RPS24: variants seen among roughly 807,000 people sequenced by gnomAD.
RPS24 encodes the protein ribosomal protein S24.
For missense variants in RPS24, 100 were observed against 162.5 expected, an observed-to-expected ratio of 0.62 and a Z score of 2.09; for synonymous variants, 72 against 55.6, an observed-to-expected ratio of 1.30 and a Z score of -1.31.
Position 78,035,632 on chromosome 10 carries a change from T to C in RPS24, c.191T>C (p.Phe64Ser). Reference protein sequence around the residue: ...VIFVFGFRTHFGGGKTTGFGM... With the variant: ...VIFVFGFRTHSGGGKTTGFGM... ...TTTGTATTTGGATTCAGAACTCATT[T>C]TGGTGGTGGCAAGACAACTGGCTTT... Residue 64 changes from phenylalanine to serine, a missense_variant, in exon 3 of 6, where the codon TTT becomes TCT. Phe to Ser is a radical substitution (Grantham distance 155). Transcript: ENST00000372360. 6.2e-7 allele frequency: 1 copy of C among 1,610,828 alleles called. No individual in the cohort carries two copies. Among genetic ancestry groups the C allele is most frequent in the East Asian group, 2.2e-5 (1 of 44,878 alleles).
chr10:78,041,122 C>T (rs1289230159), downstream of RPS24, among the ~76,000 whole-genome samples: 3 of 151,996 alleles, frequency 2.0e-5, no homozygotes, highest in East Asian at 1.9e-4. Context: ...TGAGCGACCA[C>T]GTCTGGCTTA....
downstream of RPS24, among the ~76,000 whole-genome samples, chr10:78,043,609 C>G (rs1056078947): frequency 2.6e-5 from 4 of 152,174 alleles, no homozygotes; most frequent in Non-Finnish European, 4.4e-5. Context: ...TGTCCCTGTT[C>G]TGCAAGTTGG....
chr10:78,034,642 T>C (rs1248751485), intron 1 of RPS24, among the ~76,000 whole-genome samples: 1 of 152,230 alleles, frequency 6.6e-6, no homozygotes, highest in African/African-American at 2.4e-5. Flanking sequence ...TTTGGTAAAA[T>C]TGTTAGCATA....
intron 4 of RPS24, among the ~76,000 whole-genome samples, chr10:78,051,285 T>C (rs921574163): frequency 2.0e-5 from 3 of 152,220 alleles, no homozygotes; most frequent in South Asian, 2.1e-4. Context: ...ACAAATCTGT[T>C]TTCTGTTTTT....
intron 1 of RPS24, 47 bp downstream of exon 1, chr10:78,033,951 A>T (rs751598186): frequency 3.1e-6 from 5 of 1,612,550 alleles, no homozygotes; most frequent in Non-Finnish European, 4.2e-6. Context: ...TATCCGAGCC[A>T]TCCGTGGTCC....
At chr10:78,052,316 A>G (rs572244042) in intron 4 of RPS24, among the ~76,000 whole-genome samples, 2 of 151,690 alleles carry the variant, frequency 1.3e-5, no homozygotes, top group South Asian at 4.2e-4. Context: ...GACCGCCACC[A>G]CCCCCGGCTT....
At position 78,055,110 on chromosome 10, in the gene RPS24, C is replaced by T. The variant is rs114149556; in HGVS notation, c.*100C>T. 7.9e-4 allele frequency: 1,135 copies of T among 1,433,652 alleles called. 4 individuals are homozygous for T. The African/African-American group carries it at 0.015, about 18-fold the overall frequency. 88.8% of individuals were successfully genotyped at this position (1,433,652 alleles called of 1,614,324 possible). A position where few individuals can be genotyped will look rare whatever the true frequency, so the allele number is the denominator to read the frequency against. On this transcript the variant is annotated 3_prime_UTR_variant, in exon 5 of 5. Transcript: ENST00000440692. ...AGCAGGGCACTGTGGAAATCGGAGT[C>T]ACATGAGCTGGCACCTCTGTTCAGA...
downstream of RPS24, among the ~76,000 whole-genome samples, chr10:78,044,145 G>T (rs1848017697): frequency 1.3e-5 from 2 of 150,510 alleles, no homozygotes; most frequent in South Asian, 2.1e-4. Flanking sequence ...GCGGTTTCAG[G>T]CATCCACTGG....
chr10:78,034,661 A>C (rs1847821533), intron 1 of RPS24, among the ~76,000 whole-genome samples: 1 of 152,226 alleles, frequency 6.6e-6, no homozygotes, highest in South Asian at 2.1e-4. Context: ...TAAATTGCTT[A>C]ATGCCCACAT....
chr10:78,036,013 T>C (rs1049578431), intron 3 of RPS24: 5 of 410,842 alleles, frequency 1.2e-5, no homozygotes, highest in African/African-American at 4.1e-5. Context: ...AAAGGTAGCC[T>C]GGCACCAAAT....
intron 4 of RPS24, chr10:78,037,825 A>G (rs894136177): frequency 1.7e-5 from 9 of 531,576 alleles, no homozygotes; most frequent in Non-Finnish European, 2.6e-5. Flanking sequence ...AGCTGTAAAT[A>G]GTTGGACATT....
At chr10:78,043,015 A>G (rs199534638), downstream of RPS24, among the ~76,000 whole-genome samples, 1 of 147,656 alleles carries the variant, frequency 6.8e-6, no homozygotes, top group African/African-American at 2.5e-5. Context: ...ATACACACAT[A>G]TTTTTTTTGA....
chr10:78,035,416 T>C lies in RPS24; in HGVS notation c.68T>C (p.Met23Thr). 6.2e-7 allele frequency: 1 copy of C among 1,614,100 alleles called. No individual in the cohort carries two copies. Among genetic ancestry groups the C allele is most frequent in the Non-Finnish European group, 8.5e-7 (1 of 1,179,962 alleles). ...AACCGACTACTTCAGAGGAAACAAA[T>C]GGTAAGGAAGGGCACATCAATCTTT... Reference protein sequence around the residue: ...MTNRLLQRKQMVIDVLHPGKA... With the variant: ...MTNRLLQRKQTVIDVLHPGKA... The change falls in exon 2 of 6, where the codon ATG (methionine) becomes ACG (threonine). Residue 23 changes from methionine (M) to threonine (T), a missense_variant and splice_region_variant. Transcript: ENST00000372360.
At chr10:78,047,373 A>G (rs1262867647) in intron 4 of RPS24, among the ~76,000 whole-genome samples, 1 of 152,152 alleles carries the variant, frequency 6.6e-6, no homozygotes, top group African/African-American at 2.4e-5. Context: ...ACAGCTGTGG[A>G]GACCCGGTAG....
exon 5 of RPS24, chr10:78,055,165 C>A: frequency 7.9e-7 from 1 of 1,261,000 alleles, no homozygotes; most frequent in Non-Finnish European, 1.0e-6. Context: ...CTCTCTCACC[C>A]AAATGCCAAA....
downstream of RPS24, among the ~76,000 whole-genome samples, chr10:78,041,431 G>A (rs1006150155): frequency 3.3e-5 from 5 of 152,184 alleles, no homozygotes; most frequent in African/African-American, 4.8e-5. Context: ...TGTGTACTTC[G>A]GTTTGTGGGG....
chr10:78,034,063 G>C, intron 1 of RPS24, 159 bp downstream of exon 1: 1 of 895,800 alleles, frequency 1.1e-6, no homozygotes, highest in East Asian at 2.4e-5. Flanking sequence ...GCTGTTGGCA[G>C]GGCGTCCGGG....
At chr10:78,035,254 GC>G in intron 1 of RPS24, 97 bp from the exon 2 acceptor site, 1 of 1,209,030 alleles carries the variant, frequency 8.3e-7, no homozygotes. Context: ...ATGACTAATG[GC>G]TACAAATTGG....
exon 5 of RPS24, chr10:78,055,226 C>T (rs1195938663): frequency 9.8e-6 from 6 of 612,754 alleles, no homozygotes; most frequent in African/African-American, 7.6e-5. Flanking sequence ...TGGCCTCCCA[C>T]CACCTTCCAG....
Sources: gnomAD v4.1 joint callset for allele counts (sites outside exome capture counted in the v4.1 genomes callset) on GRCh38, gnomAD v4.1.1 for gene constraint, MANE v1.5 for transcripts, NCBI Gene and HGNC (gene_info 2026-07-23, HGNC 2026-07-21) for gene names.